STXBP4: variants seen among roughly 807,000 people sequenced by gnomAD.
STXBP4 encodes syntaxin binding protein 4.
STXBP4 carries 55 observed loss-of-function variants against 76.1 expected under a neutral mutation model. The ratio of observed to expected loss-of-function variants is 0.72; its 90% CI spans 0.58 to 0.91. The LOEUF (loss-of-function observed/expected upper bound fraction) is 0.91. Among genes scored for constraint, STXBP4 ranks in the 40% least tolerant of loss-of-function variants. The probability of loss-of-function intolerance (pLI) is 0.00; values close to 1 mark genes in which losing one functional copy is unlikely to be tolerated. For synonymous variants in STXBP4, 201 were observed against 220.2 expected (o/e 0.91, Z 0.77); for missense variants, 618 against 636.9 (o/e 0.97, Z 0.32).
At chr17:55,087,663 G>A (rs1245624402) in intron 16 of STXBP4, among the ~76,000 whole-genome samples, 5 of 152,290 alleles carry the variant, frequency 3.3e-5, no homozygotes, top group South Asian at 4.1e-4. Context: ...ATATTTTGAA[G>A]TCTGGTAGTG....
At chr17:54,982,318 A>G (rs890160058) in intron 1 of STXBP4, among the ~76,000 whole-genome samples, 3 of 152,270 alleles carry the variant, frequency 2.0e-5, no homozygotes, top group East Asian at 1.9e-4. Context: ...TGAGATTTCT[A>G]ATTACATGGG....
At chr17:55,142,823 A>AAATG (rs1480256919) in intron 17 of STXBP4, among the ~76,000 whole-genome samples, 1 of 152,208 alleles carries the variant, frequency 6.6e-6, no homozygotes, top group East Asian at 1.9e-4. Flanking sequence ...ATTTGAAAGA[A>AAATG]AATGAACTTT....
At chr17:55,115,104 C>T (rs1467223545) in intron 16 of STXBP4, among the ~76,000 whole-genome samples, 6 of 151,674 alleles carry the variant, frequency 4.0e-5, no homozygotes, top group South Asian at 2.1e-4. Context: ...AGTGTATTGA[C>T]GTACTTTGGC....
chr17:55,200,895 G>A, the STXBP4 span, among the ~76,000 whole-genome samples: 34 of 152,306 alleles, frequency 2.2e-4, no homozygotes, highest in Admixed American at 7.2e-4. Context: ...AATGGAAGAG[G>A]TGAAGTAAAC....
At chr17:55,107,627 T>C (rs971673189) in intron 16 of STXBP4, among the ~76,000 whole-genome samples, 12 of 152,234 alleles carry the variant, frequency 7.9e-5, no homozygotes, top group African/African-American at 2.9e-4. Flanking sequence ...TTGTTGGTGT[T>C]GATGCTATTC....
chr17:55,013,356 A>G (rs1440563659), intron 8 of STXBP4, among the ~76,000 whole-genome samples: 2 of 152,244 alleles, frequency 1.3e-5, no homozygotes, highest in African/African-American at 4.8e-5. Flanking sequence ...TGCTTCAGGT[A>G]TCCATCTTAC....
chr17:54,969,361 G>C (rs1180072092), intron 1 of STXBP4, among the ~76,000 whole-genome samples: 1 of 152,176 alleles, frequency 6.6e-6, no homozygotes, highest in East Asian at 1.9e-4. Flanking sequence ...GAACTCGAGG[G>C]GGGCAGACAG....
At chr17:55,012,082 A>G (rs2078125991) in intron 8 of STXBP4, among the ~76,000 whole-genome samples, 1 of 152,202 alleles carries the variant, frequency 6.6e-6, no homozygotes, top group African/African-American at 2.4e-5. Flanking sequence ...ATGGTTTTAC[A>G]GCTTCGATTC....
chr17:55,085,294 C>T, intron 16 of STXBP4, among the ~76,000 whole-genome samples: 1 of 151,918 alleles, frequency 6.6e-6, no homozygotes. Context: ...ACCAGCAAGG[C>T]ACATGTATAC....
intron 12 of STXBP4, among the ~76,000 whole-genome samples, chr17:55,056,551 C>T (rs932231586): frequency 3.3e-5 from 5 of 152,106 alleles, no homozygotes; most frequent in Non-Finnish European, 2.9e-5. Flanking sequence ...TAAGCAAGAT[C>T]TTTTCAAAGC....
At chr17:55,130,008 G>A (rs913496969) in intron 16 of STXBP4, among the ~76,000 whole-genome samples, 2 of 152,234 alleles carry the variant, frequency 1.3e-5, no homozygotes, top group East Asian at 1.9e-4. Context: ...TCTATGTGTC[G>A]CCACTTAAGA....
At chr17:54,994,844 C>G (rs2077775111) in intron 4 of STXBP4, among the ~76,000 whole-genome samples, 1 of 151,334 alleles carries the variant, frequency 6.6e-6, no homozygotes, top group South Asian at 2.1e-4. Flanking sequence ...ATGCTGTTCC[C>G]TTAGGAAACA....
the STXBP4 span, among the ~76,000 whole-genome samples, chr17:55,198,009 A>C: frequency 6.6e-6 from 1 of 152,204 alleles, no homozygotes; most frequent in Non-Finnish European, 1.5e-5. Context: ...AGTACATTCC[A>C]CAGGGTGGGA....
At chr17:55,197,780 G>A in the STXBP4 span, among the ~76,000 whole-genome samples, 1 of 151,932 alleles carries the variant, frequency 6.6e-6, no homozygotes, top group African/African-American at 2.4e-5. Context: ...AAGAAATTCA[G>A]GCTGAGACAG....
chr17:55,102,566 G>A lies in STXBP4; in HGVS notation c.1489+21383G>A, dbSNP rs1314212837. The stretch of plus-strand genomic sequence containing the variant: ...ATTGGTTCCAAGTCTTTGCTATTGT[G>A]AACAGTGCTGCAGTAAACATATGTG... On this transcript the variant is annotated intron_variant, in intron 16 of 17. Transcript: ENST00000376352. 2.0e-5 allele frequency among the ~76,000 whole-genome samples: 3 copies of A among 152,138 alleles called. No individual in the cohort carries two copies. The East Asian group carries it at 5.8e-4, about 29-fold the overall frequency.
intron 16 of STXBP4, among the ~76,000 whole-genome samples, chr17:55,094,822 A>G (rs968539041): frequency 3.3e-5 from 5 of 152,230 alleles, no homozygotes; most frequent in African/African-American, 9.6e-5. Flanking sequence ...GGAAGCAAAC[A>G]TAGACAGTTC....
At chr17:55,058,868 A>C (rs2078964025) in intron 12 of STXBP4, among the ~76,000 whole-genome samples, 1 of 151,882 alleles carries the variant, frequency 6.6e-6, no homozygotes, top group South Asian at 2.1e-4. Context: ...CTGGTGACTA[A>C]TTTTATTTAT....
chr17:54,969,409 C>T (rs2077351433), intron 1 of STXBP4, among the ~76,000 whole-genome samples: 1 of 152,178 alleles, frequency 6.6e-6, no homozygotes, highest in South Asian at 2.1e-4. Context: ...AAGCATCTTT[C>T]TAGAAACTAT....
intron 8 of STXBP4, among the ~76,000 whole-genome samples, chr17:55,020,847 A>C (rs940721395): frequency 1.1e-4 from 17 of 152,136 alleles, no homozygotes; most frequent in African/African-American, 4.1e-4. Context: ...TAAAAATAAA[A>C]TTATACTTTC....
Sources: gnomAD v4.1 joint callset for allele counts (sites outside exome capture counted in the v4.1 genomes callset) on GRCh38, gnomAD v4.1.1 for gene constraint, MANE v1.5 for transcripts, NCBI Gene and HGNC (gene_info 2026-07-23, HGNC 2026-07-21) for gene names.